AFDN: variants seen among roughly 807,000 people sequenced by gnomAD.
AFDN encodes afadin.
Under a neutral mutation model 216.6 loss-of-function variants are expected in AFDN, and 68 were observed. The ratio of observed to expected loss-of-function variants is 0.31; its 90% CI spans 0.26 to 0.38. The LOEUF is 0.38. Among genes scored for constraint, AFDN ranks in the 10% least tolerant of loss-of-function variants. The probability of loss-of-function intolerance (pLI) is 1.00; values close to 1 mark genes in which losing one functional copy is unlikely to be tolerated. For missense variants in AFDN, 2,136 were observed against 2,342.0 expected (o/e 0.91, Z 1.82); for synonymous variants, 868 against 853.7 (o/e 1.02, Z -0.29).
intron 10 of AFDN, 26 bp downstream of exon 10, chr6:167,896,998 A>G: frequency 1.5e-6 from 2 of 1,352,540 alleles, no homozygotes; most frequent in South Asian, 1.2e-5. Flanking sequence ...TTCCTGCTGC[A>G]ACTCTGACAT....
chr6:167,842,239 T>C (rs772293107), intron 1 of AFDN, among the ~76,000 whole-genome samples: 1 of 152,128 alleles, frequency 6.6e-6, no homozygotes. Context: ...TAAAAGGCTT[T>C]ATTTACCACC....
chr6:167,953,246 T>C (rs888057873), intron 30 of AFDN, among the ~76,000 whole-genome samples: 2 of 152,218 alleles, frequency 1.3e-5, no homozygotes, highest in Non-Finnish European at 2.9e-5. Flanking sequence ...GGTAAAGCTC[T>C]ACCAGGAGCT....
chr6:167,943,083 T>A (rs1481733302), intron 23 of AFDN, 46 bp from the exon 24 acceptor site: 1 of 1,531,314 alleles, frequency 6.5e-7, no homozygotes, highest in Admixed American at 1.7e-5. Flanking sequence ...GTGCATTTCT[T>A]ACAATATATC....
rs1003885456 is a variant in AFDN at position 167,962,447 on chromosome 6, G to A, written c.4848G>A (p.Glu1616=). ...AERRARLQDE[E]RRRQQQLEEM... ...CCTGTTGTTAGTTGCAGGACGAGGA[G>A]CGGAGGCGGCAGCAGCAGTTAGAAG... The change falls in exon 31 of 34, where the codon GAG becomes GAA. Residue 1616 remains glutamate (E), a synonymous_variant. Transcript: ENST00000683244. This position sits in a 1 kb window ranked among gnomAD's most constrained non-coding sequence, Gnocchi z 5.2. 1.2e-6 allele frequency: 2 copies of A among 1,613,764 alleles called. No homozygotes were observed. Among genetic ancestry groups the A allele is most frequent in the Non-Finnish European group, 1.7e-6 (2 of 1,179,846 alleles).
At chr6:167,876,770 A>T (rs1322408127) in intron 5 of AFDN, among the ~76,000 whole-genome samples, 2 of 147,136 alleles carry the variant, frequency 1.4e-5, no homozygotes, top group African/African-American at 2.5e-5. Context: ...TAACATTTAC[A>T]TTTTTTTTTT....
intron 1 of AFDN, among the ~76,000 whole-genome samples, chr6:167,845,183 C>T (rs186518801): frequency 5.9e-5 from 9 of 152,248 alleles, no homozygotes; most frequent in Admixed American, 5.2e-4. Flanking sequence ...ATGAATGTTT[C>T]TTGCCATCTT....
At chr6:167,921,887 C>T (rs1158061757) in intron 21 of AFDN, among the ~76,000 whole-genome samples, 2 of 151,438 alleles carry the variant, frequency 1.3e-5, no homozygotes, top group Admixed American at 1.3e-4. Flanking sequence ...TTTTGCCTAC[C>T]ATAAATAACC....
chr6:167,870,261 A>G lies in AFDN; in HGVS notation c.302-125A>G, dbSNP rs1784646553. The G allele has an allele frequency of 7.3e-5, 44 of 603,036 alleles. No homozygotes were observed. The South Asian group carries it at 1.1e-3, about 15-fold the overall frequency. The allele number at this position is 603,036 out of a possible 1,614,324, so 37.4% of individuals were successfully genotyped here. ...AACAAATGATTTTACATTTTGAACA[A>G]TACATTTCAGTCTGCAAGTAGGTGC... is the stretch of plus-strand genomic sequence containing the variant. On this transcript the variant is annotated intron_variant, in intron 2 of 33. Coordinates refer to ENST00000683244, the MANE Select transcript of AFDN (RefSeq NM_001386888.1).
At chr6:167,866,747 A>G (rs1010991280) in intron 2 of AFDN, among the ~76,000 whole-genome samples, 1 of 152,320 alleles carries the variant, frequency 6.6e-6, no homozygotes, top group African/African-American at 2.4e-5. Flanking sequence ...TATGTATGTG[A>G]TGCCGACAGA....
chr6:167,922,904 T>C lies in AFDN; in HGVS notation c.2957T>C (p.Ile986Thr), dbSNP rs1427108567. The C allele has an allele frequency of 1.2e-6, 2 of 1,613,428 alleles. No individual in the cohort carries two copies. The highest frequency in any genetic ancestry group is 1.7e-6 in the Non-Finnish European group (2 of 1,179,752). The part of the protein sequence containing the change: ...PHTRSPGTWT[I>T]YFEGADYESH... ...ACACGTTCACCAGGTACTTGGACAA[T>C]ATATTTTGAAGGTGCAGATTATGAA... The change falls in exon 22 of 34, where the codon ATA (isoleucine) becomes ACA (threonine). Residue 986 changes from isoleucine to threonine, a missense_variant. Physicochemically the swap from Ile to Thr is moderately conservative, Grantham distance 89. Around this residue, in one of 8 missense-constraint regions of AFDN, gnomAD observed 162 missense variants for 182.6 expected, o/e 0.89. Transcript: ENST00000683244.
At chr6:167,878,042 A>G (rs1184625173) in intron 5 of AFDN, among the ~76,000 whole-genome samples, 1 of 152,188 alleles carries the variant, frequency 6.6e-6, no homozygotes, top group African/African-American at 2.4e-5. Context: ...CATTTGTGGT[A>G]CAAATACTCT....
chr6:167,902,823 G>C (rs1789161499), intron 12 of AFDN, among the ~76,000 whole-genome samples: 1 of 152,170 alleles, frequency 6.6e-6, no homozygotes, highest in African/African-American at 2.4e-5. Context: ...CTGGTAATAG[G>C]TGCACTTATA....
At chr6:167,836,065 T>G (rs1442757135) in intron 1 of AFDN, among the ~76,000 whole-genome samples, 4 of 152,258 alleles carry the variant, frequency 2.6e-5, no homozygotes, top group Non-Finnish European at 5.9e-5. Flanking sequence ...TTTTAATTTT[T>G]AGTTATCAGT....
intron 3 of AFDN, among the ~76,000 whole-genome samples, chr6:167,871,880 A>G (rs1308600863): frequency 8.5e-5 from 13 of 152,188 alleles, no homozygotes; most frequent in Admixed American, 8.5e-4. Context: ...TTATTTACTG[A>G]AAATCAGATT....
Position 167,913,424 on chromosome 6 carries a change from G to A in AFDN, c.2058+1G>A. On this transcript the variant is annotated splice_donor_variant, in intron 16 of 33. Coordinates refer to ENST00000683244, the MANE Select transcript of AFDN (RefSeq NM_001386888.1). LOFTEE classifies it high-confidence loss of function. ...CCAGGAAGTAGACCAGGTTGACCAGGTAGGACATCTGCTGGGAGCTGATCC... is the reference window on the plus strand; with the variant it reads ...CCAGGAAGTAGACCAGGTTGACCAGATAGGACATCTGCTGGGAGCTGATCC... The A allele has an allele frequency of 6.5e-7, 1 of 1,535,854 alleles. No homozygotes were observed. The highest frequency in any genetic ancestry group is 8.7e-7 in the Non-Finnish European group (1 of 1,146,760).
chr6:167,952,006 A>G lies in AFDN; in HGVS notation c.4652A>G (p.Gln1551Arg), dbSNP rs370552931. 6.8e-5 allele frequency: 109 copies of G among 1,614,104 alleles called. No homozygotes were observed. In the Middle Eastern group the frequency reaches 8.2e-4, roughly 12 times the overall value. Reference protein sequence around the residue: ...DMLSKEIQELQSKPDRSAEES... With the variant: ...DMLSKEIQELRSKPDRSAEES... ...CTGAGCAAGGAGATCCAGGAGCTCC[A>G]GAGCAAACCGGACCGCAGCGCCGAG... Residue 1551 changes from glutamine to arginine, a missense_variant, in exon 30 of 34, where the codon CAG becomes CGG. Physicochemically the swap from Gln to Arg is conservative, Grantham distance 43. This residue lies in a region of AFDN where 981 missense variants were observed against 966.0 expected (regional missense o/e 1.02). Transcript: ENST00000683244.
At position 167,962,842 on chromosome 6, in the gene AFDN, A is replaced by T; in HGVS notation, c.4968+275A>T. 1 of 1,268,522 alleles carries T rather than the reference A, an allele frequency of 7.9e-7. No individual in the cohort carries two copies. Among genetic ancestry groups the T allele is most frequent in the Non-Finnish European group, 1.0e-6 (1 of 1,001,398 alleles). The allele number at this position is 1,268,522 out of a possible 1,614,324, so 78.6% of individuals were successfully genotyped here. ...GTGTGTAGCAGTGAGCCTCTTTGCAAAGGGTTCGTTTCCTCGGGCACTCAT... is the reference window on the plus strand; with the variant it reads ...GTGTGTAGCAGTGAGCCTCTTTGCATAGGGTTCGTTTCCTCGGGCACTCAT... On this transcript the variant is annotated intron_variant, in intron 31 of 33. Coordinates refer to ENST00000683244, the MANE Select transcript of AFDN (RefSeq NM_001386888.1). This position sits in a 1 kb window ranked among gnomAD's most constrained non-coding sequence, Gnocchi z 5.2.
intron 6 of AFDN, among the ~76,000 whole-genome samples, chr6:167,888,404 AGTGACTTG>A (rs1336906391): frequency 1.3e-5 from 2 of 152,208 alleles, no homozygotes; most frequent in Non-Finnish European, 2.9e-5. Flanking sequence ...TTCACATGCC[AGTGACTTG>A]GCCTTCTTTT....
chr6:167,922,867 T>C lies in AFDN; in HGVS notation c.2920T>C (p.Leu974=). Residue 974 remains leucine, a synonymous_variant, in exon 22 of 34, where the codon TTA becomes CTA. Transcript: ENST00000683244. ...DPLCQRGFCR[L]IPHTRSPGTW... ...TGTTTCCTCCTTAGGATTTTGCAGG[T>C]TAATTCCTCACACACGTTCACCAGG... The C allele has an allele frequency of 6.2e-7, 1 of 1,611,710 alleles. No individual in the cohort carries two copies. Among genetic ancestry groups the C allele is most frequent in the Non-Finnish European group, 8.5e-7 (1 of 1,178,808 alleles).
Sources: allele counts gnomAD v4.1 joint callset (sites outside exome capture counted in the v4.1 genomes callset), GRCh38; gene constraint gnomAD v4.1.1; regional missense constraint gnomAD v4.1.1; non-coding constraint Gnocchi (gnomAD v3.1); transcripts MANE v1.5; gene names NCBI Gene and HGNC (gene_info 2026-07-23, HGNC 2026-07-21).